Variants in ST8SIA5 observed in about 807,000 individuals in gnomAD.
ST8SIA5 encodes the protein ST8 alpha-N-acetyl-neuraminide alpha-2,8-sialyltransferase 5, also known as alpha-2,8-sialyltransferase 8E.
A neutral mutation model predicts 40.2 loss-of-function variants in ST8SIA5; 24 were observed. The ratio of observed to expected loss-of-function variants is 0.60; its 90% CI spans 0.43 to 0.84. The LOEUF is 0.84. ST8SIA5 is among the 40% of genes least tolerant of loss of function. The pLI, the probability that ST8SIA5 is intolerant of heterozygous loss-of-function variation, is 0.00. For synonymous variants in ST8SIA5, 198 were observed against 201.8 expected, an observed-to-expected ratio of 0.98 and a Z score of 0.16; for missense variants, 465 against 498.5, an observed-to-expected ratio of 0.93 and a Z score of 0.64.
intron 1 of ST8SIA5, among the ~76,000 whole-genome samples, chr18:46,718,066 C>T (rs1443080542): frequency 2.6e-5 from 4 of 152,108 alleles, no homozygotes; most frequent in South Asian, 2.1e-4. Context: ...CTGTGGCTCA[C>T]GCCTGTAATC....
chr18:46,732,620 C>T (rs1008819245), intron 1 of ST8SIA5, among the ~76,000 whole-genome samples: 1 of 152,148 alleles, frequency 6.6e-6, no homozygotes, highest in African/African-American at 2.4e-5. Context: ...GAGGGATAAC[C>T]TTGAGTAGGC....
At chr18:46,683,641 AT>A (rs1350525751) in intron 5 of ST8SIA5, among the ~76,000 whole-genome samples, 1 of 152,134 alleles carries the variant, frequency 6.6e-6, no homozygotes, top group Non-Finnish European at 1.5e-5. Flanking sequence ...ACCCTATTCT[AT>A]AACAGGACCA....
rs142146464 is a variant in ST8SIA5, at chr18:46,729,515, G to A, written c.132-24851C>T. Among the ~76,000 whole-genome samples, 13 of 152,312 alleles carry A rather than the reference G, an allele frequency of 8.5e-5. No individual in the cohort carries two copies. The East Asian group carries it at 2.5e-3, about 29-fold the overall frequency. On this transcript the variant is annotated intron_variant, in intron 1 of 6. Transcript: ENST00000315087. Reference sequence around the variant, plus strand: ...GCCAGAAACACATGCCAGACTGCTTGTTGAGTCCAACCCTCCTGGGGCAGG... The same window carrying A: ...GCCAGAAACACATGCCAGACTGCTTATTGAGTCCAACCCTCCTGGGGCAGG...
chr18:46,740,477 T>C (rs1337242616), intron 1 of ST8SIA5, among the ~76,000 whole-genome samples: 2 of 152,088 alleles, frequency 1.3e-5, no homozygotes, highest in Admixed American at 6.6e-5. Flanking sequence ...TATTAAAAAC[T>C]GTAAGTATGT....
chr18:46,714,716 G>A (rs1185489793), intron 1 of ST8SIA5, among the ~76,000 whole-genome samples: 1 of 152,186 alleles, frequency 6.6e-6, no homozygotes, highest in Non-Finnish European at 1.5e-5. Flanking sequence ...CACCTCCACG[G>A]AGCCCTATGG....
intron 1 of ST8SIA5, among the ~76,000 whole-genome samples, chr18:46,738,875 C>T (rs528406628): frequency 1.0e-3 from 153 of 152,256 alleles, no homozygotes; most frequent in African/African-American, 3.4e-3. Flanking sequence ...GACCCAGTTT[C>T]GCATCCTCAA....
intron 1 of ST8SIA5, 82 bp downstream of exon 1, chr18:46,756,296 G>C: frequency 6.4e-7 from 1 of 1,569,062 alleles, no homozygotes; most frequent in East Asian, 2.3e-5. Context: ...GGGGCGCTGC[G>C]ACCGAAGCTG....
intron 1 of ST8SIA5, among the ~76,000 whole-genome samples, chr18:46,735,253 T>C (rs2040022657): frequency 1.3e-5 from 2 of 152,232 alleles, no homozygotes; most frequent in African/African-American, 4.8e-5. Flanking sequence ...CTGGCTTCCT[T>C]GCTCCTCAGC....
chr18:46,726,153 C>G (rs2144537748), intron 1 of ST8SIA5, among the ~76,000 whole-genome samples: 1 of 148,330 alleles, frequency 6.7e-6, no homozygotes, highest in Admixed American at 6.7e-5. Context: ...GAGATTGTGC[C>G]ACTGCACTCC....
At chr18:46,720,346 T>C (rs770918229) in intron 1 of ST8SIA5, among the ~76,000 whole-genome samples, 3 of 152,058 alleles carry the variant, frequency 2.0e-5, no homozygotes, top group Non-Finnish European at 2.9e-5. Flanking sequence ...TGCACTTCCA[T>C]GGAAAGAACT....
At chr18:46,699,542 G>C (rs574768862) in intron 2 of ST8SIA5, among the ~76,000 whole-genome samples, 1 of 152,152 alleles carries the variant, frequency 6.6e-6, no homozygotes, top group Non-Finnish European at 1.5e-5. Context: ...ACTACGCCTG[G>C]CTAATTTTTT....
In ST8SIA5 at chr18:46,756,366, G is replaced by A. The variant is rs1188399841; in HGVS notation, c.131+12C>T. ...GCTCCGCGCATCCCGCCCTCTCAAT[G>A]GACTTTCTTACCTCTTAATGTAGTT... is the stretch of plus-strand genomic sequence containing the variant. On this transcript the variant is annotated intron_variant, in intron 1 of 6. Coordinates refer to ENST00000315087, the MANE Select transcript of ST8SIA5 (RefSeq NM_013305.6). The A allele has an allele frequency of 1.9e-6, 3 of 1,610,892 alleles. No homozygotes were observed. The highest frequency in any genetic ancestry group is 3.3e-5 in the Admixed American group (2 of 59,858).
intron 1 of ST8SIA5, among the ~76,000 whole-genome samples, chr18:46,738,737 C>A (rs946124067): frequency 3.9e-5 from 6 of 152,156 alleles, no homozygotes; most frequent in African/African-American, 1.2e-4. Flanking sequence ...TCTCCTGGGG[C>A]TGTGCCTGTT....
At chr18:46,704,787 C>G in intron 1 of ST8SIA5, 123 bp from the exon 2 acceptor site, 1 of 791,944 alleles carries the variant, frequency 1.3e-6, no homozygotes, top group Non-Finnish European at 2.1e-6. Flanking sequence ...CCAGCCCCAT[C>G]CCAGCAGATG....
rs2039366869 is a variant in ST8SIA5, at chr18:46,679,702, C to G, written c.*340G>C. 3.0e-6 allele frequency: 1 copy of G among 332,046 alleles called. No homozygotes were observed. The highest frequency in any genetic ancestry group is 2.1e-5 in the African/African-American group (1 of 47,964). 20.6% of individuals were successfully genotyped at this position (332,046 alleles called of 1,614,324 possible). A position where few individuals can be genotyped will look rare whatever the true frequency, so the allele number is the denominator to read the frequency against. ...CAAGGGCCTGCAGTTTGTGCTCTCTCTCGGATGACAAAATTGGGTGGAAAT... is the reference window on the plus strand; with the variant it reads ...CAAGGGCCTGCAGTTTGTGCTCTCTGTCGGATGACAAAATTGGGTGGAAAT... On this transcript the variant is annotated 3_prime_UTR_variant, in exon 7 of 7. Coordinates refer to ENST00000315087, the MANE Select transcript of ST8SIA5 (RefSeq NM_013305.6).
chr18:46,756,240 G>T (rs1341319337), intron 1 of ST8SIA5, 138 bp downstream of exon 1: 2 of 1,262,182 alleles, frequency 1.6e-6, no homozygotes, highest in Non-Finnish European at 2.1e-6. Context: ...CCAAGCCTAA[G>T]CGGCCATGCT....
At chr18:46,724,935 A>G (rs1415562153) in intron 1 of ST8SIA5, among the ~76,000 whole-genome samples, 1 of 151,558 alleles carries the variant, frequency 6.6e-6, no homozygotes, top group Non-Finnish European at 1.5e-5. Flanking sequence ...AGATCATGCC[A>G]CTGCACTCCA....
Position 46,682,976 on chromosome 18 carries a change from C to T in ST8SIA5, c.570-912G>A, listed in dbSNP as rs561709776. On this transcript the variant is annotated intron_variant, in intron 5 of 6. Transcript: ENST00000315087. ...GATTTTAGTCCAGTGAGACTTCTGA[C>T]CTCCAAGACTGTAAGATAATAAAAT... is the stretch of plus-strand genomic sequence containing the variant. Among the ~76,000 whole-genome samples, 4 of 152,312 alleles carry T rather than the reference C, an allele frequency of 2.6e-5. No homozygotes were observed. In the East Asian group the frequency reaches 7.7e-4, roughly 29 times the overall value.
intron 3 of ST8SIA5, chr18:46,691,629 C>T (rs2039506308): frequency 1.3e-5 from 2 of 154,252 alleles, no homozygotes; most frequent in South Asian, 4.0e-4. Flanking sequence ...ACTTTAAGAT[C>T]CAGCTCTTAC....
Sources: allele counts gnomAD v4.1 joint callset (sites outside exome capture counted in the v4.1 genomes callset), GRCh38; gene constraint gnomAD v4.1.1; transcripts MANE v1.5; gene names NCBI Gene and HGNC (gene_info 2026-07-23, HGNC 2026-07-21).